PTPRD: variants seen among roughly 807,000 people sequenced by gnomAD.
PTPRD encodes receptor-type tyrosine-protein phosphatase delta.
In PTPRD, 34 loss-of-function variants were observed where a neutral mutation model predicts 214.5. The ratio of observed to expected loss-of-function variants is 0.16; its 90% confidence interval spans 0.12 to 0.21. The LOEUF (loss-of-function observed/expected upper bound fraction) is 0.21, where lower values mean the gene tolerates loss of function less well. Ranked by LOEUF, PTPRD falls within the 10% of genes least tolerant of loss-of-function variation. PTPRD has a pLI of 1.00. For synonymous variants in PTPRD, 1,128 were observed against 845.7 expected (o/e 1.33, Z -5.79); for missense variants, 2,545 against 2,398.7 (o/e 1.06, Z -1.27).
chr9:10,575,752 GTCTC>G (rs910568821), intron 2 of PTPRD, among the ~76,000 whole-genome samples: 3 of 151,558 alleles, frequency 2.0e-5, no homozygotes, highest in Non-Finnish European at 2.9e-5. Context: ...TCTAGCTCCA[GTCTC>G]TCTCTCTCTG....
chr9:8,746,289 A>G (rs1454322634), intron 11 of PTPRD, among the ~76,000 whole-genome samples: 4 of 152,198 alleles, frequency 2.6e-5, no homozygotes, highest in Non-Finnish European at 5.9e-5. Context: ...AGAAGAAATG[A>G]AGATACACAA....
At chr9:10,377,445 C>A (rs537623361) in intron 2 of PTPRD, among the ~76,000 whole-genome samples, 1 of 151,874 alleles carries the variant, frequency 6.6e-6, no homozygotes, top group Non-Finnish European at 1.5e-5. Flanking sequence ...CCCCTCTCCC[C>A]CCACCCCACA....
At chr9:8,803,679 G>A (rs547035257) in intron 11 of PTPRD, among the ~76,000 whole-genome samples, 6 of 151,702 alleles carry the variant, frequency 4.0e-5, no homozygotes, top group East Asian at 3.9e-4. Context: ...AGCTGTGATC[G>A]GCTCACTTGT....
chr9:8,778,506 C>G (rs1019896639), intron 11 of PTPRD, among the ~76,000 whole-genome samples: 1 of 152,174 alleles, frequency 6.6e-6, no homozygotes, highest in African/African-American at 2.4e-5. Flanking sequence ...AACACTGAAA[C>G]TGACTTCATG....
chr9:10,363,252 G>A (rs1180688676), intron 2 of PTPRD, among the ~76,000 whole-genome samples: 1 of 152,146 alleles, frequency 6.6e-6, no homozygotes, highest in Non-Finnish European at 1.5e-5. Context: ...CCCAGGTGAG[G>A]TCAAGGCTAT....
intron 11 of PTPRD, among the ~76,000 whole-genome samples, chr9:8,808,462 C>CTTTTTT (rs34627797): frequency 3.0e-5 from 3 of 98,816 alleles, no homozygotes; most frequent in East Asian, 3.0e-4. Context: ...AGCCCCCCAC[C>CTTTTTT]TTTTTTTTTT....
At chr9:10,212,023 A>C (rs2099519802) in intron 3 of PTPRD, among the ~76,000 whole-genome samples, 1 of 152,148 alleles carries the variant, frequency 6.6e-6, no homozygotes, top group Non-Finnish European at 1.5e-5. Context: ...ATTTGAGTAG[A>C]TGTTGTTTAG....
intron 10 of PTPRD, among the ~76,000 whole-genome samples, chr9:9,033,784 A>C (rs1371397830): frequency 6.6e-6 from 1 of 152,022 alleles, no homozygotes; most frequent in Non-Finnish European, 1.5e-5. Flanking sequence ...CTCAGGCATG[A>C]AACACCATGA....
At chr9:9,836,335 G>A (rs1186611844) in intron 5 of PTPRD, among the ~76,000 whole-genome samples, 3 of 152,142 alleles carry the variant, frequency 2.0e-5, no homozygotes, top group Non-Finnish European at 4.4e-5. Context: ...TAAACAAGAC[G>A]ATCTGCTCAG....
chr9:10,160,573 T>C (rs1015823747), intron 3 of PTPRD, among the ~76,000 whole-genome samples: 1 of 151,852 alleles, frequency 6.6e-6, no homozygotes, highest in Non-Finnish European at 1.5e-5. Flanking sequence ...AGAAAAAACA[T>C]ACCTCATGAA....
intron 22 of PTPRD, among the ~76,000 whole-genome samples, chr9:8,506,493 C>T (rs1212901559): frequency 6.6e-6 from 1 of 152,216 alleles, no homozygotes; most frequent in Non-Finnish European, 1.5e-5. Context: ...GTTAACAACA[C>T]AGACTCTGGA....
At position 9,653,850 on chromosome 9, in the gene PTPRD, T is replaced by G. The variant is rs543809461; in HGVS notation, c.-286-79069A>C. On this transcript the variant is annotated intron_variant, in intron 7 of 45. Transcript: ENST00000381196. ...TGAAGTGATAAAGACAAATTAGATT[T>G]ATTTTCTTGCTCCCTTATGAAAGTC... Among the ~76,000 whole-genome samples the G allele has an allele frequency of 1.7e-3, 264 of 152,328 alleles. 1 individual carries two copies. Among genetic ancestry groups the G allele is most frequent in the African/African-American group, 6.2e-3 (256 of 41,580 alleles).
chr9:8,698,938 T>C lies in PTPRD; in HGVS notation c.64+34842A>G, dbSNP rs3817205. ...TGGCATCTACACCCATAATATTATA[T>C]TATATAATAATATTAGAAGCACTCT... On this transcript the variant is annotated intron_variant, in intron 12 of 45. Transcript: ENST00000381196. 3.4e-3 allele frequency among the ~76,000 whole-genome samples: 521 copies of C among 152,208 alleles called. 1 individual carries two copies. Among genetic ancestry groups the C allele is most frequent in the Middle Eastern group, 0.024 (7 of 294 alleles).
chr9:10,480,748 A>T (rs2099092638), intron 2 of PTPRD, among the ~76,000 whole-genome samples: 1 of 152,124 alleles, frequency 6.6e-6, no homozygotes, highest in African/African-American at 2.4e-5. Context: ...TGTATCATTG[A>T]ATCAAACTAT....
chr9:8,339,572 A>G (rs555975066), intron 42 of PTPRD, among the ~76,000 whole-genome samples: 212 of 152,222 alleles, frequency 1.4e-3, no homozygotes, highest in Middle Eastern at 0.014. Flanking sequence ...CTGCAGAGTC[A>G]TTGGCCAAAT....
Position 8,558,874 on chromosome 9 carries a change from A to C in PTPRD, c.353-30095T>G, listed in dbSNP as rs1335165308. On this transcript the variant is annotated intron_variant, in intron 14 of 45. Coordinates refer to ENST00000381196, the MANE Select transcript of PTPRD (RefSeq NM_002839.4). Reference sequence around the variant, plus strand: ...CAAAATGGTGCTTGGCATTCTAAAAAAATTAAAATTTACTTCAAAATTCCT... The same window carrying C: ...CAAAATGGTGCTTGGCATTCTAAAACAATTAAAATTTACTTCAAAATTCCT... 2.0e-5 allele frequency among the ~76,000 whole-genome samples: 3 copies of C among 152,212 alleles called. No homozygotes were observed. The East Asian group carries it at 5.8e-4, about 29-fold the overall frequency.
chr9:9,220,795 C>T (rs2133342191), intron 9 of PTPRD, among the ~76,000 whole-genome samples: 1 of 152,152 alleles, frequency 6.6e-6, no homozygotes, highest in South Asian at 2.1e-4. Flanking sequence ...TCCCCACGGC[C>T]ATTTTGTATT....
At chr9:8,536,961 A>T (rs1224192986) in intron 14 of PTPRD, among the ~76,000 whole-genome samples, 1 of 152,060 alleles carries the variant, frequency 6.6e-6, no homozygotes, top group African/African-American at 2.4e-5. Context: ...TCACAGTATC[A>T]GGCTACAAAC....
intron 10 of PTPRD, among the ~76,000 whole-genome samples, chr9:9,054,033 A>C (rs2099691629): frequency 6.6e-6 from 1 of 152,188 alleles, no homozygotes; most frequent in African/African-American, 2.4e-5. Context: ...TTAAAGTCAA[A>C]CAACAATAAC....
Sources: gnomAD v4.1 joint callset for allele counts (sites outside exome capture counted in the v4.1 genomes callset) on GRCh38, gnomAD v4.1.1 for gene constraint, MANE v1.5 for transcripts, NCBI Gene and HGNC (gene_info 2026-07-23, HGNC 2026-07-21) for gene names.